FAT3: variants seen among roughly 807,000 people sequenced by gnomAD.
FAT3 encodes FAT atypical cadherin 3, also known as protocadherin Fat 3.
A neutral mutation model predicts 310.2 loss-of-function variants in FAT3; 95 were observed. The observed-to-expected ratio is 0.31, with a 90% CI of 0.26 to 0.36. The LOEUF is 0.36. FAT3 is among the 10% of genes least tolerant of loss of function. FAT3 has a pLI of 1.00. For synonymous variants in FAT3, 2,314 were observed against 2,192.9 expected (o/e 1.06, Z -1.54); for missense variants, 5,408 against 5,715.6 (o/e 0.95, Z 1.74).
intron 1 of FAT3, among the ~76,000 whole-genome samples, chr11:92,265,144 C>G (rs1425889766): frequency 6.6e-6 from 1 of 151,894 alleles, no homozygotes; most frequent in Non-Finnish European, 1.5e-5. Context: ...TTAAGAGGAC[C>G]ACTGAAGAGT....
At chr11:92,804,614 C>T (rs968276415) in intron 10 of FAT3, among the ~76,000 whole-genome samples, 1 of 152,188 alleles carries the variant, frequency 6.6e-6, no homozygotes, top group Non-Finnish European at 1.5e-5. Flanking sequence ...GGCTATTTAA[C>T]ACTAATGGGC....
intron 2 of FAT3, among the ~76,000 whole-genome samples, chr11:92,463,679 A>G (rs554699335): frequency 0.011 from 1,710 of 152,156 alleles, 25 homozygotes; most frequent in Middle Eastern, 0.014. Flanking sequence ...CAGCTGTTCA[A>G]GGTAATTTTT....
At chr11:92,786,041 G>A (rs1421119894) in intron 7 of FAT3, among the ~76,000 whole-genome samples, 2 of 152,134 alleles carry the variant, frequency 1.3e-5, no homozygotes, top group Non-Finnish European at 2.9e-5. Flanking sequence ...TAAATATAGA[G>A]TACAATAAAG....
At chr11:92,579,102 T>C (rs1372353174) in intron 3 of FAT3, among the ~76,000 whole-genome samples, 1 of 152,058 alleles carries the variant, frequency 6.6e-6, no homozygotes, top group African/African-American at 2.4e-5. Context: ...AATCTAAAAG[T>C]AAAATTTGTA....
intron 1 of FAT3, among the ~76,000 whole-genome samples, chr11:92,313,399 T>A (rs574724016): frequency 6.6e-6 from 1 of 152,358 alleles, no homozygotes; most frequent in East Asian, 1.9e-4. Flanking sequence ...CCCAGTTTTT[T>A]AATGTGATAA....
At chr11:92,511,976 G>A (rs2135312599) in intron 2 of FAT3, among the ~76,000 whole-genome samples, 1 of 152,198 alleles carries the variant, frequency 6.6e-6, no homozygotes, top group South Asian at 2.1e-4. Context: ...ACAAGAACTT[G>A]GAATTGCCTT....
chr11:92,591,345 T>G (rs1939416341), intron 3 of FAT3, among the ~76,000 whole-genome samples: 1 of 152,128 alleles, frequency 6.6e-6, no homozygotes, highest in Non-Finnish European at 1.5e-5. Context: ...TGCATTGGAT[T>G]GGTTTCCTCG....
chr11:92,453,733 G>A (rs117329871), intron 2 of FAT3, among the ~76,000 whole-genome samples: 1,848 of 151,974 alleles, frequency 0.012, 17 homozygotes, highest in Non-Finnish European at 0.019. Flanking sequence ...CCTACCCATC[G>A]TTTTTTCCCC....
chr11:92,481,961 CATAGAG>C (rs1952237777), intron 2 of FAT3, among the ~76,000 whole-genome samples: 1 of 152,108 alleles, frequency 6.6e-6, no homozygotes, highest in Admixed American at 6.5e-5. Flanking sequence ...AATTTTACTC[CATAGAG>C]ATAATCATTT....
At chr11:92,370,216 C>T (rs933336291) in intron 2 of FAT3, among the ~76,000 whole-genome samples, 3 of 152,134 alleles carry the variant, frequency 2.0e-5, no homozygotes, top group Non-Finnish European at 4.4e-5. Context: ...AGTAGCGTAT[C>T]TTAGAATCCA....
At chr11:92,541,262 T>C (rs948193284) in intron 3 of FAT3, among the ~76,000 whole-genome samples, 2 of 152,096 alleles carry the variant, frequency 1.3e-5, no homozygotes, top group African/African-American at 4.8e-5. Context: ...TCTAAGGTAA[T>C]ACAGAATGAA....
chr11:92,354,774 G>T lies in FAT3; in HGVS notation c.2662G>T (p.Val888Leu), dbSNP rs756021885. 3.7e-6 allele frequency: 6 copies of T among 1,613,826 alleles called. No individual in the cohort carries two copies. The South Asian group carries it at 6.6e-5, about 18-fold the overall frequency. The change falls in exon 2 of 28, where the codon GTA (valine) becomes TTA (leucine). Residue 888 changes from valine (V) to leucine (L), a missense_variant. Physicochemically the swap from Val to Leu is conservative, Grantham distance 32. Transcript: ENST00000525166. The stretch of plus-strand genomic sequence containing the variant: ...CAATAGCTCAACTGGAATCGTTTAT[G>T]TAGCCGACCAGTTGGACCGGGAATC... Reference protein sequence around the residue: ...AINSSTGIVYVADQLDRESKA... With the variant: ...AINSSTGIVYLADQLDRESKA...
At chr11:92,861,892 G>C (rs1017488201) in intron 21 of FAT3, among the ~76,000 whole-genome samples, 9 of 152,266 alleles carry the variant, frequency 5.9e-5, no homozygotes, top group African/African-American at 2.2e-4. Flanking sequence ...TCTCTAAAAA[G>C]TACTTAAAGT....
chr11:92,308,123 GT>G (rs1947187694), intron 1 of FAT3, among the ~76,000 whole-genome samples: 1 of 152,062 alleles, frequency 6.6e-6, no homozygotes, highest in African/African-American at 2.4e-5. Context: ...TGTCTTCCAG[GT>G]TTTCACAGGA....
At chr11:92,607,751 T>C (rs896043392) in intron 3 of FAT3, among the ~76,000 whole-genome samples, 1 of 152,210 alleles carries the variant, frequency 6.6e-6, no homozygotes, top group Non-Finnish European at 1.5e-5. Flanking sequence ...ATGAGTCACA[T>C]TATTTAGTCA....
intron 1 of FAT3, among the ~76,000 whole-genome samples, chr11:92,344,775 CAT>C (rs929669563): frequency 9.2e-5 from 14 of 152,086 alleles, no homozygotes; most frequent in Non-Finnish European, 1.5e-5. Flanking sequence ...GGGTGGAAAA[CAT>C]AAACGGTAAC....
At chr11:92,610,686 G>A (rs779251538) in intron 3 of FAT3, among the ~76,000 whole-genome samples, 11 of 152,018 alleles carry the variant, frequency 7.2e-5, no homozygotes, top group African/African-American at 1.2e-4. Flanking sequence ...AGCATCCACC[G>A]TTTCTTTTTT....
intron 1 of FAT3, among the ~76,000 whole-genome samples, chr11:92,338,815 G>A (rs1948162396): frequency 6.6e-6 from 1 of 152,306 alleles, no homozygotes; most frequent in African/African-American, 2.4e-5. Context: ...AGTTCCTGGA[G>A]AAATCTTGGT....
At chr11:92,474,185 G>A (rs879910483) in intron 2 of FAT3, among the ~76,000 whole-genome samples, 1 of 152,142 alleles carries the variant, frequency 6.6e-6, no homozygotes, top group East Asian at 1.9e-4. Flanking sequence ...CAGATGCAGT[G>A]CCATTTTGCT....
Sources: allele counts gnomAD v4.1 joint callset (sites outside exome capture counted in the v4.1 genomes callset), GRCh38; gene constraint gnomAD v4.1.1; transcripts MANE v1.5; gene names NCBI Gene and HGNC (gene_info 2026-07-23, HGNC 2026-07-21).